The following DMD variants were observed in gnomAD, a reference collection of about 807,000 sequenced individuals.
The protein encoded by DMD is mutant dystrophin.
A neutral mutation model predicts 330.1 loss-of-function variants in DMD; 63 were observed. The ratio of observed to expected loss-of-function variants is 0.19; its 90% CI spans 0.16 to 0.24. The LOEUF is 0.24. Ranked by LOEUF, DMD falls within the 10% of genes least tolerant of loss-of-function variation. The pLI, the probability that DMD is intolerant of heterozygous loss-of-function variation, is 1.00. For synonymous variants in DMD, 1,223 were observed against 959.8 expected (o/e 1.27, Z -5.07); for missense variants, 3,344 against 2,684.1 (o/e 1.25, Z -5.43).
At chrX:32,916,264 T>G (rs1406216034) in intron 2 of DMD, among the ~76,000 whole-genome samples, 1 of 111,564 alleles carries the variant, frequency 9.0e-6, no homozygotes, top group Non-Finnish European at 1.9e-5. Context: ...TTAACACAAT[T>G]AAAATGCTGA....
chrX:33,156,578 C>A (rs969149420), intron 1 of DMD, among the ~76,000 whole-genome samples: 3 of 111,335 alleles, frequency 2.7e-5, no homozygotes, highest in Non-Finnish European at 3.8e-5. Flanking sequence ...TGAAGATAAG[C>A]AAGAGAGCCA....
At chrX:32,040,376 T>C (rs1415588484) in intron 44 of DMD, among the ~76,000 whole-genome samples, 1 of 112,335 alleles carries the variant, frequency 8.9e-6, no homozygotes, top group African/African-American at 3.2e-5. Context: ...GATCCTTTTC[T>C]ATTTGGTTCA....
At chrX:31,861,912 CTTTAT>C (rs1303215216) in intron 48 of DMD, among the ~76,000 whole-genome samples, 6 of 94,369 alleles carry the variant, frequency 6.4e-5, no homozygotes, top group East Asian at 3.3e-4. Context: ...TAACAGCTGG[CTTTAT>C]TTTAAGAGGA....
intron 7 of DMD, among the ~76,000 whole-genome samples, chrX:32,720,479 TG>T (rs1490615180): frequency 2.7e-5 from 3 of 112,264 alleles, no homozygotes; most frequent in Non-Finnish European, 5.6e-5. Context: ...TCACATTGTT[TG>T]CCCCCATGGG....
intron 2 of DMD, among the ~76,000 whole-genome samples, chrX:32,885,920 A>G (rs1027647714): frequency 1.8e-5 from 2 of 109,099 alleles, no homozygotes; most frequent in African/African-American, 6.7e-5. Flanking sequence ...CTCCAAATAT[A>G]TATTAGTCAC....
rs771186647 is a variant in DMD at position 31,181,758 on chromosome X, TTAGAAAA to T, written c.9974+973_9974+979del. The stretch of plus-strand genomic sequence containing the variant: ...AGCACGCAACAGTACAAGGTAGTTA[TTAGAAAA>T]TAAAGTAACAAAACCAGTTCACACG... On this transcript the variant is annotated intron_variant, in intron 68 of 78. Transcript: ENST00000357033. Among the ~76,000 whole-genome samples, 5 of 112,746 alleles carry T rather than the reference TTAGAAAA, an allele frequency of 4.4e-5. No individual in the cohort carries two copies. In the South Asian group the frequency reaches 1.8e-3, roughly 41 times the overall value.
chrX:32,508,681 G>C (rs763579222), intron 18 of DMD, among the ~76,000 whole-genome samples: 1 of 112,116 alleles, frequency 8.9e-6, no homozygotes, highest in South Asian at 3.7e-4. Context: ...ATAGTAAAAT[G>C]GGGAGCTAGG....
intron 53 of DMD, among the ~76,000 whole-genome samples, chrX:31,673,049 T>C (rs2081895120): frequency 8.9e-6 from 1 of 112,330 alleles, no homozygotes; most frequent in South Asian, 3.7e-4. Flanking sequence ...TCCAGGGAGC[T>C]GCAAGATAGG....
chrX:31,737,218 T>C (rs974369461), intron 51 of DMD, among the ~76,000 whole-genome samples: 1 of 111,921 alleles, frequency 8.9e-6, no homozygotes, highest in Non-Finnish European at 1.9e-5. Flanking sequence ...AACTATAATA[T>C]AGCATGATAT....
At chrX:33,106,046 TACACACACCACACAC>T (rs987971272) in intron 1 of DMD, among the ~76,000 whole-genome samples, 2 of 21,818 alleles carry the variant, frequency 9.2e-5, no homozygotes, top group African/African-American at 2.6e-4. Context: ...AAATGTGAGA[TACACACACCACACAC>T]ACACACACAC....
intron 61 of DMD, among the ~76,000 whole-genome samples, chrX:31,341,503 A>G (rs2057724595): frequency 8.9e-6 from 1 of 112,226 alleles, no homozygotes; most frequent in Admixed American, 9.5e-5. Flanking sequence ...TACCATTTTG[A>G]TAAGGCAGTT....
At chrX:31,972,796 T>C (rs1485156320) in intron 44 of DMD, among the ~76,000 whole-genome samples, 1 of 111,788 alleles carries the variant, frequency 8.9e-6, no homozygotes, top group Non-Finnish European at 1.9e-5. Context: ...TGTAATAAAA[T>C]GAAATTTGGG....
chrX:32,206,670 G>C, intron 44 of DMD: 1 of 502,769 alleles, frequency 2.0e-6, no homozygotes, highest in East Asian at 3.7e-5. Flanking sequence ...TGAATTATGT[G>C]AAGAATTGCT....
At chrX:33,213,062 G>A (rs1349539097), upstream of DMD, among the ~76,000 whole-genome samples, 3 of 111,176 alleles carry the variant, frequency 2.7e-5, no homozygotes, top group South Asian at 3.7e-4. Flanking sequence ...TCAATATCAC[G>A]TGGGAACTTC....
intron 18 of DMD, among the ~76,000 whole-genome samples, chrX:32,502,327 T>C (rs1156716560): frequency 2.3e-4 from 26 of 111,447 alleles, no homozygotes; most frequent in Non-Finnish European, 5.6e-5. Context: ...TATGTACATA[T>C]ATATTTAAAT....
At chrX:32,090,236 G>T (rs188173465) in intron 44 of DMD, among the ~76,000 whole-genome samples, 49 of 111,811 alleles carry the variant, frequency 4.4e-4, no homozygotes, top group Admixed American at 8.6e-4. Flanking sequence ...AAATTGCATA[G>T]AATTAGAAAG....
intron 43 of DMD, among the ~76,000 whole-genome samples, chrX:32,221,650 T>G (rs976083353): frequency 8.9e-6 from 1 of 111,777 alleles, no homozygotes; most frequent in African/African-American, 3.2e-5. Context: ...TTAGTGCACG[T>G]GTCACCCAAG....
intron 30 of DMD, among the ~76,000 whole-genome samples, chrX:32,409,935 T>A (rs997202865): frequency 4.5e-5 from 5 of 111,704 alleles, no homozygotes; most frequent in Admixed American, 9.6e-5. Context: ...ATCATTACAC[T>A]TTCTATACAT....
intron 41 of DMD, among the ~76,000 whole-genome samples, chrX:32,328,817 C>G (rs1279042757): frequency 9.0e-6 from 1 of 111,296 alleles, no homozygotes; most frequent in African/African-American, 3.3e-5. Flanking sequence ...ACTGTTGAAA[C>G]CCATAATTTT....
Sources: gnomAD v4.1 joint callset for allele counts (sites outside exome capture counted in the v4.1 genomes callset) on GRCh38, gnomAD v4.1.1 for gene constraint, MANE v1.5 for transcripts, NCBI Gene and HGNC (gene_info 2026-07-23, HGNC 2026-07-21) for gene names.